The following PTPRD variants were observed in gnomAD, a reference collection of about 807,000 sequenced individuals.
PTPRD encodes the protein receptor-type tyrosine-protein phosphatase delta.
Under a neutral mutation model 214.5 loss-of-function variants are expected in PTPRD, and 34 were observed. The ratio of observed to expected loss-of-function variants is 0.16; its 90% CI spans 0.12 to 0.21. The LOEUF is 0.21. Ranked by LOEUF, PTPRD falls within the 10% of genes least tolerant of loss-of-function variation. PTPRD has a pLI of 1.00. For synonymous variants in PTPRD, 1,128 were observed against 845.7 expected (o/e 1.33, Z -5.79); for missense variants, 2,545 against 2,398.7 (o/e 1.06, Z -1.27).
intron 2 of PTPRD, among the ~76,000 whole-genome samples, chr9:10,481,878 C>T (rs575777927): frequency 6.6e-6 from 1 of 152,156 alleles, no homozygotes; most frequent in Middle Eastern, 3.4e-3. Flanking sequence ...GATTCATTTG[C>T]TTCTGAAATA....
intron 3 of PTPRD, among the ~76,000 whole-genome samples, chr9:10,107,386 C>G (rs72694873): frequency 6.6e-6 from 1 of 151,952 alleles, no homozygotes; most frequent in African/African-American, 2.4e-5. Context: ...AAAGATCATG[C>G]TGCATAAACA....
At chr9:10,533,531 G>T (rs1288982968) in intron 2 of PTPRD, among the ~76,000 whole-genome samples, 1 of 136,616 alleles carries the variant, frequency 7.3e-6, no homozygotes, top group Non-Finnish European at 1.7e-5. Context: ...CTAATTTTTG[G>T]TGTTTTTTTT....
chr9:9,407,527 T>G (rs892291589), intron 8 of PTPRD, among the ~76,000 whole-genome samples: 21 of 151,910 alleles, frequency 1.4e-4, no homozygotes, highest in Admixed American at 1.2e-3. Flanking sequence ...TATGAAGAAA[T>G]TTTTGTCCTA....
intron 4 of PTPRD, among the ~76,000 whole-genome samples, chr9:10,008,949 G>A (rs1191310206): frequency 1.3e-5 from 2 of 151,658 alleles, no homozygotes; most frequent in Admixed American, 1.3e-4. Flanking sequence ...ATTAGTTAAT[G>A]GAAAATAACA....
chr9:9,733,527 A>ATATT (rs1223935787), intron 7 of PTPRD, among the ~76,000 whole-genome samples: 1 of 152,174 alleles, frequency 6.6e-6, no homozygotes, highest in East Asian at 1.9e-4. Flanking sequence ...TGATTATAAC[A>ATATT]TATTGAGAAA....
intron 5 of PTPRD, among the ~76,000 whole-genome samples, chr9:9,918,716 T>C (rs766392625): frequency 6.6e-6 from 1 of 151,992 alleles, no homozygotes; most frequent in Non-Finnish European, 1.5e-5. Flanking sequence ...AAGAGACCAA[T>C]AGAACCAATA....
intron 10 of PTPRD, among the ~76,000 whole-genome samples, chr9:9,149,842 T>C (rs1168827046): frequency 6.6e-6 from 1 of 152,210 alleles, no homozygotes; most frequent in South Asian, 2.1e-4. Flanking sequence ...TGAGGGCGTA[T>C]CACTGAGGCA....
intron 11 of PTPRD, among the ~76,000 whole-genome samples, chr9:8,923,143 G>C (rs1329871270): frequency 6.6e-6 from 1 of 151,590 alleles, no homozygotes; most frequent in Non-Finnish European, 1.5e-5. Context: ...CTGGGTTCAA[G>C]TGAGTCTCCT....
intron 7 of PTPRD, among the ~76,000 whole-genome samples, chr9:9,685,198 G>A (rs1279408246): frequency 6.6e-6 from 1 of 150,768 alleles, no homozygotes; most frequent in Admixed American, 6.6e-5. Context: ...AAAGTTTCTG[G>A]CTCATGAGTA....
chr9:8,533,261 C>G (rs901692466), intron 14 of PTPRD, among the ~76,000 whole-genome samples: 1 of 152,000 alleles, frequency 6.6e-6, no homozygotes, highest in Non-Finnish European at 1.5e-5. Flanking sequence ...CTCTTCTTGC[C>G]TAATCTTGCT....
intron 7 of PTPRD, among the ~76,000 whole-genome samples, chr9:9,712,816 G>C (rs992220625): frequency 2.0e-5 from 3 of 152,066 alleles, no homozygotes; most frequent in Non-Finnish European, 4.4e-5. Context: ...TTATTATCTA[G>C]CATAGCTTTC....
chr9:10,553,146 C>A (rs2061716196), intron 2 of PTPRD, among the ~76,000 whole-genome samples: 1 of 152,144 alleles, frequency 6.6e-6, no homozygotes, highest in Non-Finnish European at 1.5e-5. Flanking sequence ...TCCTGTCCAT[C>A]CAGCCTAAGG....
intron 2 of PTPRD, among the ~76,000 whole-genome samples, chr9:10,490,307 G>A (rs1432792636): frequency 6.6e-6 from 1 of 152,090 alleles, no homozygotes; most frequent in South Asian, 2.1e-4. Context: ...ATTAATGAAT[G>A]ATTTAAATAT....
chr9:9,834,391 T>G lies in PTPRD; in HGVS notation c.-367-67540A>C, dbSNP rs531022291. On this transcript the variant is annotated intron_variant, in intron 5 of 45. Transcript: ENST00000381196. ...TAGTGGCTCTGATTGACATTAGCATTAACTGTTGAGAACCCTGAACTCCAC... is the reference window on the plus strand; with the variant it reads ...TAGTGGCTCTGATTGACATTAGCATGAACTGTTGAGAACCCTGAACTCCAC... 8.5e-5 allele frequency among the ~76,000 whole-genome samples: 13 copies of G among 152,196 alleles called. No individual in the cohort carries two copies. In the South Asian group the frequency reaches 2.5e-3, roughly 29 times the overall value.
At chr9:10,058,478 C>T (rs1263355696) in intron 3 of PTPRD, among the ~76,000 whole-genome samples, 1 of 152,030 alleles carries the variant, frequency 6.6e-6, no homozygotes, top group Non-Finnish European at 1.5e-5. Flanking sequence ...TCCCAGGTTA[C>T]AATCTTCAAG....
chr9:8,511,445 CCT>C (rs1486075996), intron 21 of PTPRD, among the ~76,000 whole-genome samples: 7 of 151,552 alleles, frequency 4.6e-5, no homozygotes, highest in African/African-American at 1.7e-4. Flanking sequence ...TTTTTTTTAA[CCT>C]TCACTTACCA....
chr9:10,319,378 A>C (rs796067806), intron 3 of PTPRD, among the ~76,000 whole-genome samples: 4 of 152,236 alleles, frequency 2.6e-5, no homozygotes, highest in African/African-American at 9.6e-5. Flanking sequence ...TCAACTAATA[A>C]GTACATCTGA....
At chr9:10,271,868 ATTC>A (rs1163293425) in intron 3 of PTPRD, among the ~76,000 whole-genome samples, 3 of 151,852 alleles carry the variant, frequency 2.0e-5, no homozygotes, top group East Asian at 1.9e-4. Context: ...TATCATTGGA[ATTC>A]TTCTTTGATT....
intron 12 of PTPRD, among the ~76,000 whole-genome samples, chr9:8,643,540 T>A (rs1347345351): frequency 1.3e-5 from 2 of 152,186 alleles, no homozygotes. Context: ...GCAGATGGGC[T>A]GCCTCAGGGA....
Sources: gnomAD v4.1 joint callset for allele counts (sites outside exome capture counted in the v4.1 genomes callset) on GRCh38, gnomAD v4.1.1 for gene constraint, MANE v1.5 for transcripts, NCBI Gene and HGNC (gene_info 2026-07-23, HGNC 2026-07-21) for gene names.